MON2: variants seen among roughly 807,000 people sequenced by gnomAD.
MON2 encodes protein MON2 homolog.
MON2 carries 84 observed loss-of-function variants against 208.6 expected under a neutral mutation model. The ratio of observed to expected loss-of-function variants is 0.40; its 90% CI spans 0.34 to 0.48. The LOEUF is 0.48. Among genes scored for constraint, MON2 ranks in the 20% least tolerant of loss-of-function variants. The pLI, the probability that MON2 is intolerant of heterozygous loss-of-function variation, is 0.59. For synonymous variants in MON2, 660 were observed against 694.0 expected (o/e 0.95, Z 0.77); for missense variants, 1,611 against 2,015.4 (o/e 0.80, Z 3.84).
chr12:62,473,926 C>T (rs976739036), intron 1 of MON2, among the ~76,000 whole-genome samples: 1 of 152,052 alleles, frequency 6.6e-6, no homozygotes, highest in Non-Finnish European at 1.5e-5. Flanking sequence ...TCCTTCCTTT[C>T]TCCATGCTCA....
At chr12:62,560,324 G>A in intron 25 of MON2, 167 bp from the exon 26 acceptor site, 1 of 629,524 alleles carries the variant, frequency 1.6e-6, no homozygotes. Context: ...TCTAGGTTGT[G>A]ATAATTTTAA....
At chr12:62,492,622 C>T (rs1412256358) in intron 2 of MON2, among the ~76,000 whole-genome samples, 8 of 147,824 alleles carry the variant, frequency 5.4e-5, no homozygotes, top group African/African-American at 9.8e-5. Context: ...CCACCCGCCT[C>T]GGCCTCCCAA....
rs1282312180 is a variant in MON2, at chr12:62,508,299, G to T, written c.803G>T (p.Ser268Ile). Residue 268 changes from serine (S) to isoleucine (I), a missense_variant, in exon 8 of 35, where the codon AGT becomes ATT. Coordinates refer to ENST00000393630, the MANE Select transcript of MON2 (RefSeq NM_015026.3). ...CCTTGCAAATAGCACCAAGAATTTA[G>T]TTTCCTCCTCAAAGAAAGGGTATGT... The part of the protein sequence containing the change: ...PQVFLQHQEF[S>I]FLLKERVCPL... 1.9e-6 allele frequency: 3 copies of T among 1,610,326 alleles called. No individual in the cohort carries two copies. The highest frequency in any genetic ancestry group is 2.5e-6 in the Non-Finnish European group (3 of 1,178,286).
At chr12:62,557,963 T>TATATATATATATATATATA (rs1491431148) in intron 25 of MON2, among the ~76,000 whole-genome samples, 2 of 19,572 alleles carry the variant, frequency 1.0e-4, no homozygotes, top group Non-Finnish European at 1.5e-4. Flanking sequence ...TATATATATA[T>TATATATATATATATATATA]TTTTTTTTTT....
chr12:62,566,506 AT>A, intron 29 of MON2, 56 bp downstream of exon 29: 1 of 1,479,592 alleles, frequency 6.8e-7, no homozygotes, highest in Non-Finnish European at 9.3e-7. Flanking sequence ...TATTGAAATT[AT>A]TCCTTAGGTA....
Position 62,508,316 on chromosome 12 carries a change from AG to A in MON2, c.823del (p.Val275TyrfsTer5). 6.2e-7 allele frequency: 1 copy of A among 1,612,946 alleles called. No individual in the cohort carries two copies. Among genetic ancestry groups the A allele is most frequent in the Non-Finnish European group, 8.5e-7 (1 of 1,179,596 alleles). On this transcript the variant is annotated frameshift_variant, in exon 8 of 35. Coordinates refer to ENST00000393630, the MANE Select transcript of MON2 (RefSeq NM_015026.3). LOFTEE classifies it high-confidence loss of function. ...AGAATTTAGTTTCCTCCTCAAAGAA[AG>A]GGTATGTCCTCTTGTGATAAAGCTC... ...HQEFSFLLKE[R>X]VCPLVIKLFS... is the part of the protein sequence containing the mutation.
At chr12:62,554,118 T>C (rs2073865342) in intron 24 of MON2, among the ~76,000 whole-genome samples, 1 of 152,232 alleles carries the variant, frequency 6.6e-6, no homozygotes. Flanking sequence ...ATACAGTTTG[T>C]TTTTAATCTA....
In MON2 at chr12:62,476,902, A is replaced by G. The variant is rs542819811; in HGVS notation, c.112-7268A>G. On this transcript the variant is annotated intron_variant, in intron 1 of 34. Coordinates refer to ENST00000393630, the MANE Select transcript of MON2 (RefSeq NM_015026.3). ...GTTAGGTGTGGAAGCTTATGCATAT[A>G]ATCCTGGGACTTTGGGAGGCGAAGA... Among the ~76,000 whole-genome samples, 12 of 152,294 alleles carry G rather than the reference A, an allele frequency of 7.9e-5. No homozygotes were observed. In the South Asian group the frequency reaches 2.5e-3, roughly 32 times the overall value.
intron 4 of MON2, among the ~76,000 whole-genome samples, chr12:62,497,620 CTTTT>C (rs2070593245): frequency 6.6e-6 from 1 of 151,366 alleles, no homozygotes; most frequent in Non-Finnish European, 1.5e-5. Flanking sequence ...TCTTTCTTTT[CTTTT>C]CTTTTTTTGA....
In MON2 at chr12:62,570,424, G is replaced by C. The variant is rs567968925; in HGVS notation, c.4324-968G>C. 7.9e-5 allele frequency among the ~76,000 whole-genome samples: 12 copies of C among 152,220 alleles called. No homozygotes were observed. In the East Asian group the frequency reaches 1.7e-3, roughly 22 times the overall value. The stretch of plus-strand genomic sequence containing the variant: ...ATAGAACATACAACTTCAAAGTATT[G>C]ACATTTTATGTTGTGTTTACTCTTC... On this transcript the variant is annotated intron_variant, in intron 29 of 34. Coordinates refer to ENST00000393630, the MANE Select transcript of MON2 (RefSeq NM_015026.3).
At chr12:62,467,451 G>C (rs1172902271) in intron 1 of MON2, 133 bp downstream of exon 1, 2 of 693,682 alleles carry the variant, frequency 2.9e-6, no homozygotes, top group African/African-American at 3.6e-5. Context: ...TCGGTGGGTT[G>C]TTCCACAAGG....
intron 32 of MON2, 99 bp downstream of exon 32, chr12:62,580,519 A>G: frequency 1.0e-6 from 1 of 1,004,090 alleles, no homozygotes. Context: ...TGTAAACTGG[A>G]GAATGGTAAG....
chr12:62,578,108 G>GT (rs2074857372), intron 30 of MON2, among the ~76,000 whole-genome samples: 1 of 152,120 alleles, frequency 6.6e-6, no homozygotes, highest in Non-Finnish European at 1.5e-5. Flanking sequence ...GTGAATTCAG[G>GT]TAACACCACA....
chr12:62,494,090 G>C, intron 3 of MON2, 48 bp downstream of exon 3: 1 of 1,522,360 alleles, frequency 6.6e-7, no homozygotes, highest in Non-Finnish European at 9.0e-7. Context: ...TGAATCAGAA[G>C]TTTTCATGAA....
rs774241902 is a variant in MON2 at position 62,580,427 on chromosome 12, T to TGAAAAAAAACTTA, written c.4699+7_4699+8insGAAAAAAAACTTA. The stretch of plus-strand genomic sequence containing the variant: ...CAGTCATCTTCATTTACAGGTATGT[T>TGAAAAAAAACTTA]AATTTTTTTAAGTATTAAAAAGTAT... On this transcript the variant is annotated splice_region_variant and intron_variant, in intron 32 of 34. Coordinates refer to ENST00000393630, the MANE Select transcript of MON2 (RefSeq NM_015026.3). 7 of 1,581,858 alleles carry TGAAAAAAAACTTA rather than the reference T, an allele frequency of 4.4e-6. No individual in the cohort carries two copies. Among genetic ancestry groups the TGAAAAAAAACTTA allele is most frequent in the Non-Finnish European group, 6.0e-6 (7 of 1,157,804 alleles).
chr12:62,599,382 A>G lies in MON2; in HGVS notation c.*6633A>G, dbSNP rs1175827739. 6.6e-6 allele frequency: 1 copy of G among 152,142 alleles called. No individual in the cohort carries two copies. Among genetic ancestry groups the G allele is most frequent in the Non-Finnish European group, 1.5e-5 (1 of 68,000 alleles). 9.4% of individuals were successfully genotyped at this position (152,142 alleles called of 1,614,324 possible). A position where few individuals can be genotyped will look rare whatever the true frequency, so the allele number is the denominator to read the frequency against. Reference sequence around the variant, plus strand: ...CATATCAATGCCAGACTATCTCTCTACCTCTCAAAGAAAATAATTTGCATT... The same window carrying G: ...CATATCAATGCCAGACTATCTCTCTGCCTCTCAAAGAAAATAATTTGCATT... On this transcript the variant is annotated 3_prime_UTR_variant, in exon 35 of 35. Transcript: ENST00000393630.
At chr12:62,579,538 A>G (rs1005563781) in intron 31 of MON2, among the ~76,000 whole-genome samples, 7 of 150,640 alleles carry the variant, frequency 4.6e-5, no homozygotes, top group Admixed American at 4.6e-4. Flanking sequence ...CCTGGTTAAC[A>G]TGGTGAAACC....
At chr12:62,542,163 G>A (rs555788875) in intron 19 of MON2, among the ~76,000 whole-genome samples, 114 of 152,152 alleles carry the variant, frequency 7.5e-4, no homozygotes, top group Non-Finnish European at 1.3e-3. Flanking sequence ...CCACATTAGC[G>A]CATGCGGGAA....
At chr12:62,484,481 G>A (rs886433205) in intron 2 of MON2, among the ~76,000 whole-genome samples, 2 of 152,162 alleles carry the variant, frequency 1.3e-5, no homozygotes, top group Non-Finnish European at 2.9e-5. Flanking sequence ...TAAAGGCAAG[G>A]AATTTTTTCT....
Sources: allele counts gnomAD v4.1 joint callset (sites outside exome capture counted in the v4.1 genomes callset), GRCh38; gene constraint gnomAD v4.1.1; transcripts MANE v1.5; gene names NCBI Gene and HGNC (gene_info 2026-07-23, HGNC 2026-07-21).